EXOC1: variants seen among roughly 807,000 people sequenced by gnomAD.
The protein encoded by EXOC1 is exocyst complex component 1, also known as SEC3-like 1.
In EXOC1, 67 loss-of-function variants were observed where a neutral mutation model predicts 107.7. That is an observed-to-expected ratio of 0.62 (90% confidence interval 0.51 to 0.76). The LOEUF (loss-of-function observed/expected upper bound fraction) is 0.76, where lower values mean the gene tolerates loss of function less well. Among genes scored for constraint, EXOC1 ranks in the 30% least tolerant of loss-of-function variants. The pLI is 0.00. For synonymous variants in EXOC1, 348 were observed against 353.5 expected, an observed-to-expected ratio of 0.98 and a Z score of 0.17; for missense variants, 833 against 1,055.7, an observed-to-expected ratio of 0.79 and a Z score of 2.92.
rs531811217 is a variant in EXOC1, at chr4:55,876,592, A to G, written c.1075-1325A>G. ...ACAGAAAGGGATTATGGACCTATTA[A>G]TATACCTTGTGTATAACATCTGTGG... On this transcript the variant is annotated intron_variant, in intron 8 of 18. Transcript: ENST00000381295. 141 of 985,246 alleles carry G rather than the reference A, an allele frequency of 1.4e-4. No individual in the cohort carries two copies. In the East Asian group the frequency reaches 6.9e-3, roughly 48 times the overall value. The allele number at this position is 985,246 out of a possible 1,614,324, so 61.0% of individuals were successfully genotyped here.
chr4:55,902,371 G>A lies in EXOC1; in HGVS notation c.2365G>A (p.Val789Met), dbSNP rs748092763. 1.9e-5 allele frequency: 28 copies of A among 1,498,122 alleles called. No individual in the cohort carries two copies. Among genetic ancestry groups the A allele is most frequent in the South Asian group, 1.1e-4 (8 of 71,356 alleles). 92.8% of individuals were successfully genotyped at this position (1,498,122 alleles called of 1,614,324 possible). A position where few individuals can be genotyped will look rare whatever the true frequency, so the allele number is the denominator to read the frequency against. Residue 789 changes from valine (V) to methionine (M), a missense_variant, in exon 18 of 19, where the codon GTG (valine) becomes ATG (methionine). Physicochemically the swap from Val to Met is conservative, Grantham distance 21. Coordinates refer to ENST00000381295, the MANE Select transcript of EXOC1 (RefSeq NM_001024924.2). Reference sequence around the variant, plus strand: ...TTTCTTTGAAGGTGTTGAAGCTCGCGTGGCACAGGGCATAAGGGAGGAGGA... The same window carrying A: ...TTTCTTTGAAGGTGTTGAAGCTCGCATGGCACAGGGCATAAGGGAGGAGGA... The part of the protein sequence containing the change: ...NHFFEGVEAR[V>M]AQGIREEEVS...
In EXOC1 at chr4:55,863,707, A is replaced by G. The variant is rs112103381; in HGVS notation, c.256-520A>G. Among the ~76,000 whole-genome samples, 281 of 152,248 alleles carry G rather than the reference A, an allele frequency of 1.8e-3. 2 individuals are homozygous for G. Among genetic ancestry groups the G allele is most frequent in the African/African-American group, 6.0e-3 (251 of 41,556 alleles). On this transcript the variant is annotated intron_variant, in intron 3 of 18. Transcript: ENST00000381295. Reference sequence around the variant, plus strand: ...TCAAAATAGAAAATAATTAGGCGCAATCTCTGCTTTTCACCTCACTTGTTC... The same window carrying G: ...TCAAAATAGAAAATAATTAGGCGCAGTCTCTGCTTTTCACCTCACTTGTTC...
intron 2 of EXOC1, among the ~76,000 whole-genome samples, chr4:55,859,132 C>T (rs990023658): frequency 3.3e-5 from 5 of 151,892 alleles, no homozygotes; most frequent in Non-Finnish European, 5.9e-5. Context: ...TTCTTTATTC[C>T]ACCTAAATTT....
chr4:55,901,585 A>T (rs1036272885), intron 17 of EXOC1, among the ~76,000 whole-genome samples: 2 of 152,144 alleles, frequency 1.3e-5, no homozygotes, highest in Non-Finnish European at 2.9e-5. Context: ...ACCCCAATTT[A>T]TAAATGGGGC....
chr4:55,866,873 A>G lies in EXOC1; in HGVS notation c.416-1463A>G, dbSNP rs192682974. ...TTTTTCATACTTTTTACTCTCCAGA[A>G]CTGCCTAAAGTTACAGAAGGTGCGT... On this transcript the variant is annotated intron_variant, in intron 4 of 18. Coordinates refer to ENST00000381295, the MANE Select transcript of EXOC1 (RefSeq NM_001024924.2). 16 of 985,334 alleles carry G rather than the reference A, an allele frequency of 1.6e-5. No homozygotes were observed. The East Asian group carries it at 1.7e-3, about 105-fold the overall frequency. 61.0% of individuals were successfully genotyped at this position (985,334 alleles called of 1,614,324 possible). A position where few individuals can be genotyped will look rare whatever the true frequency, so the allele number is the denominator to read the frequency against.
rs1270321281 is a variant in EXOC1 at position 55,891,375 on chromosome 4, A to G, written c.1600A>G (p.Ser534Gly). 6.2e-7 allele frequency: 1 copy of G among 1,614,028 alleles called. No individual in the cohort carries two copies. Among genetic ancestry groups the G allele is most frequent in the Non-Finnish European group, 8.5e-7 (1 of 1,179,958 alleles). The stretch of plus-strand genomic sequence containing the variant: ...ATGTCTGGCAGAACAGGACTTCATA[A>G]GTAAATTTTTCAAACTACAGCAACA... ...PLCLAEQDFISKFFKLQQHQS... is the reference protein window; with the variant it reads ...PLCLAEQDFIGKFFKLQQHQS... Residue 534 changes from serine to glycine, a missense_variant, in exon 13 of 19, where the codon AGT (serine) becomes GGT (glycine). Ser to Gly is a moderately conservative substitution (Grantham distance 56, BLOSUM62 0). Around this residue, in one of 2 missense-constraint regions of EXOC1, gnomAD observed 617 missense variants for 701.3 expected, o/e 0.88. Coordinates refer to ENST00000381295, the MANE Select transcript of EXOC1 (RefSeq NM_001024924.2).
intron 17 of EXOC1, among the ~76,000 whole-genome samples, chr4:55,900,887 C>T (rs1006967817): frequency 7.3e-5 from 11 of 149,770 alleles, no homozygotes; most frequent in Admixed American, 6.0e-4. Context: ...CAAAACAAAA[C>T]AAAAAAAAAG....
Position 55,892,488 on chromosome 4 carries a change from C to G in EXOC1, c.1648-147C>G. On this transcript the variant is annotated intron_variant, in intron 13 of 18. Transcript: ENST00000381295. ...TTAAATAGCATACTAAATTATATAG[C>G]TAGCTTTATCATAATGCTACCTTTA... 5 of 638,886 alleles carry G rather than the reference C, an allele frequency of 7.8e-6. No individual in the cohort carries two copies. In the South Asian group the frequency reaches 9.8e-5, roughly 12 times the overall value. The allele number at this position is 638,886 out of a possible 1,614,324, so 39.6% of individuals were successfully genotyped here.
At chr4:55,890,819 T>C (rs1266009925) in intron 12 of EXOC1, among the ~76,000 whole-genome samples, 1 of 152,208 alleles carries the variant, frequency 6.6e-6, no homozygotes, top group African/African-American at 2.4e-5. Context: ...AACCTCCACC[T>C]TCTGGGTTCA....
chr4:55,890,012 G>A (rs143033875), intron 11 of EXOC1, among the ~76,000 whole-genome samples: 80 of 152,106 alleles, frequency 5.3e-4, no homozygotes, highest in African/African-American at 1.9e-3. Context: ...GTGTAGTTTC[G>A]CTTCTTTTTT....
chr4:55,867,547 A>T, intron 4 of EXOC1, among the ~76,000 whole-genome samples: 1 of 148,700 alleles, frequency 6.7e-6, no homozygotes, highest in Non-Finnish European at 1.5e-5. Context: ...CAGTGCTCAC[A>T]TGCTAGTGTA....
At chr4:55,876,399 T>C in intron 8 of EXOC1, 2 of 751,882 alleles carry the variant, frequency 2.7e-6, no homozygotes, top group Non-Finnish European at 1.6e-6. Flanking sequence ...GTATATATAC[T>C]GTATATTATA....
chr4:55,903,856 C>T (rs1166502687), intron 18 of EXOC1, among the ~76,000 whole-genome samples: 1 of 152,054 alleles, frequency 6.6e-6, no homozygotes, highest in African/African-American at 2.4e-5. Context: ...TCCTCCAAGG[C>T]ATCAAGCAAG....
chr4:55,859,473 A>G lies in EXOC1; in HGVS notation c.125-938A>G, dbSNP rs150676750. ...CTACAATGAATTGTTGGTGTTTTAT[A>G]TGGATGTCTATCAATCTTGCCAAAC... On this transcript the variant is annotated intron_variant, in intron 2 of 18. Transcript: ENST00000381295. Among the ~76,000 whole-genome samples the G allele has an allele frequency of 2.2e-3, 336 of 152,276 alleles. 3 individuals are homozygous for G. In the East Asian group the frequency reaches 0.026, roughly 12 times the overall value.
chr4:55,865,482 T>G (rs572775648), intron 4 of EXOC1, among the ~76,000 whole-genome samples: 3 of 152,306 alleles, frequency 2.0e-5, no homozygotes, highest in Non-Finnish European at 2.9e-5. Context: ...CCCCAACATC[T>G]TGGTAATTGA....
intron 17 of EXOC1, among the ~76,000 whole-genome samples, chr4:55,901,952 A>G (rs1050323538): frequency 3.3e-5 from 5 of 152,294 alleles, no homozygotes; most frequent in Admixed American, 1.3e-4. Flanking sequence ...CTAAAGTCTC[A>G]CTAGATTTGC....
chr4:55,894,856 A>G (rs1725023880), intron 15 of EXOC1, among the ~76,000 whole-genome samples: 1 of 152,062 alleles, frequency 6.6e-6, no homozygotes, highest in Non-Finnish European at 1.5e-5. Flanking sequence ...TCCCAACCTC[A>G]GGTGATCTGC....
chr4:55,867,462 T>C (rs1722057294), intron 4 of EXOC1, among the ~76,000 whole-genome samples: 1 of 152,054 alleles, frequency 6.6e-6, no homozygotes, highest in South Asian at 2.1e-4. Flanking sequence ...TAACTTTATT[T>C]AGAGTGATAA....
chr4:55,856,124 T>C (rs185468802), intron 1 of EXOC1, among the ~76,000 whole-genome samples: 26 of 152,342 alleles, frequency 1.7e-4, no homozygotes, highest in Admixed American at 9.8e-4. Flanking sequence ...CCGAGCAGCA[T>C]TGAAAGTCTA....
Sources: gnomAD v4.1 joint callset for allele counts (sites outside exome capture counted in the v4.1 genomes callset) on GRCh38, gnomAD v4.1.1 for gene constraint, gnomAD v4.1.1 regional missense constraint, MANE v1.5 for transcripts, NCBI Gene and HGNC (gene_info 2026-07-23, HGNC 2026-07-21) for gene names.